CDH8: variants seen among roughly 807,000 people sequenced by gnomAD.
CDH8 encodes cadherin-8.
Under a neutral mutation model 68.1 loss-of-function variants are expected in CDH8, and 17 were observed. That is an observed-to-expected ratio of 0.25 (90% confidence interval 0.17 to 0.37). The LOEUF (loss-of-function observed/expected upper bound fraction) is 0.37. Among genes scored for constraint, CDH8 ranks in the 10% least tolerant of loss-of-function variants. The pLI is 1.00. For missense variants in CDH8, 763 were observed against 999.3 expected (o/e 0.76, Z 3.19); for synonymous variants, 372 against 365.1 (o/e 1.02, Z -0.21).
intron 7 of CDH8, among the ~76,000 whole-genome samples, chr16:61,813,805 A>G (rs114382275): frequency 1.1e-3 from 168 of 152,278 alleles, no homozygotes; most frequent in African/African-American, 3.9e-3. Context: ...CCACATATAT[A>G]TACTAGAAGT....
chr16:61,868,650 C>T (rs1180254140), intron 3 of CDH8, among the ~76,000 whole-genome samples: 2 of 152,028 alleles, frequency 1.3e-5, no homozygotes, highest in East Asian at 1.9e-4. Context: ...CATTATCACA[C>T]GAGATCAAGT....
At chr16:62,021,659 A>C in intron 1 of CDH8, 57 bp from the exon 2 acceptor site, 1 of 1,014,370 alleles carries the variant, frequency 9.9e-7, no homozygotes, top group Non-Finnish European at 1.3e-6. Context: ...TTTAAAATAA[A>C]ATCACTGCTT....
intron 4 of CDH8, among the ~76,000 whole-genome samples, chr16:61,843,668 T>G (rs1962736062): frequency 1.3e-5 from 2 of 152,192 alleles, no homozygotes; most frequent in Non-Finnish European, 2.9e-5. Context: ...TTTGTTTGTT[T>G]GTTTGTTTTT....
At chr16:61,693,890 C>A (rs1964279385) in intron 10 of CDH8, 1 of 152,140 alleles carries the variant, frequency 6.6e-6, no homozygotes, top group Non-Finnish European at 1.5e-5. Context: ...ATCTCTAATT[C>A]TTCCAGTTGT....
chr16:61,661,858 T>C (rs566334731), intron 10 of CDH8, among the ~76,000 whole-genome samples: 5 of 151,918 alleles, frequency 3.3e-5, no homozygotes, highest in African/African-American at 9.6e-5. Flanking sequence ...TCAAGTATTA[T>C]TGTTTTCATT....
chr16:61,870,734 C>T (rs1187291102), intron 3 of CDH8, among the ~76,000 whole-genome samples: 2 of 152,114 alleles, frequency 1.3e-5, no homozygotes, highest in African/African-American at 4.8e-5. Context: ...ACAACATGTG[C>T]CCAACATGGT....
At chr16:61,692,476 T>A (rs1056130816) in intron 10 of CDH8, 1 of 151,968 alleles carries the variant, frequency 6.6e-6, no homozygotes, top group Non-Finnish European at 1.5e-5. Flanking sequence ...TCTACACACA[T>A]ACACACCAAA....
rs1299625606 is a variant in CDH8, at chr16:62,036,388, T to C, written c.-508A>G. The C allele has an allele frequency of 6.6e-6, 1 of 152,554 alleles. No homozygotes were observed. The highest frequency in any genetic ancestry group is 1.5e-5 in the Non-Finnish European group (1 of 68,346). 9.5% of individuals were successfully genotyped at this position (152,554 alleles called of 1,614,324 possible). A position where few individuals can be genotyped will look rare whatever the true frequency, so the allele number is the denominator to read the frequency against. On this transcript the variant is annotated 5_prime_UTR_variant, in exon 1 of 12. Transcript: ENST00000577390. Reference sequence around the variant, plus strand: ...AGATTCCAAATAAATCCACTAATTCTGGGCTGAGCGCTCCGGCGTGCGAGC... The same window carrying C: ...AGATTCCAAATAAATCCACTAATTCCGGGCTGAGCGCTCCGGCGTGCGAGC...
intron 10 of CDH8, among the ~76,000 whole-genome samples, chr16:61,690,418 C>A (rs1000671748): frequency 4.6e-5 from 7 of 151,930 alleles, no homozygotes; most frequent in African/African-American, 1.5e-4. Context: ...CTATAATGGT[C>A]TTTTCCATCT....
intron 2 of CDH8, among the ~76,000 whole-genome samples, chr16:61,915,360 C>G (rs1200281623): frequency 6.6e-6 from 1 of 152,180 alleles, no homozygotes; most frequent in Non-Finnish European, 1.5e-5. Context: ...TTAATTATCA[C>G]AACTCTATGA....
chr16:62,009,719 C>G (rs983697113), intron 2 of CDH8, among the ~76,000 whole-genome samples: 1 of 152,148 alleles, frequency 6.6e-6, no homozygotes, highest in Non-Finnish European at 1.5e-5. Flanking sequence ...TCAGGCAAAA[C>G]CAGAATCATT....
rs34925928 is a variant in CDH8 at position 61,992,077 on chromosome 16, T to TGTGTGTGTGA, written c.252+29074_252+29075insTCACACACAC. ...GTGTGTGTGTGTGTGTGTGTGTGTG[T>TGTGTGTGTGA]GAGAGAGAGAGAGAGATTTTTACAG... is the stretch of plus-strand genomic sequence containing the variant. On this transcript the variant is annotated intron_variant, in intron 2 of 11. Coordinates refer to ENST00000577390, the MANE Select transcript of CDH8 (RefSeq NM_001796.5). Among the ~76,000 whole-genome samples the TGTGTGTGTGA allele has an allele frequency of 5.2e-3, 749 of 144,156 alleles. 1 individual carries two copies. Among genetic ancestry groups the TGTGTGTGTGA allele is most frequent in the Middle Eastern group, 0.015 (4 of 268 alleles). The allele number at this position is 144,156 out of a possible 152,430, so 94.6% of individuals were successfully genotyped here. A position where few individuals can be genotyped will look rare whatever the true frequency, so the allele number is the denominator to read the frequency against.
At chr16:61,914,568 C>CT (rs1964208638) in intron 2 of CDH8, among the ~76,000 whole-genome samples, 1 of 151,956 alleles carries the variant, frequency 6.6e-6, no homozygotes, top group African/African-American at 2.4e-5. Context: ...AAGTTTTTCT[C>CT]TTGTATTCAG....
chr16:62,019,146 C>A (rs951264922), intron 2 of CDH8, among the ~76,000 whole-genome samples: 6 of 152,216 alleles, frequency 3.9e-5, no homozygotes, highest in Non-Finnish European at 7.3e-5. Context: ...CCCAGAATTT[C>A]ATATGGTATA....
Position 61,689,565 on chromosome 16 carries a change from A to T in CDH8, c.1654+24276T>A, listed in dbSNP as rs182182002. ...TTTAGCCTCAACCTCACCATGTCTT[A>T]AATTCTACAGCTTTAAAATGAGGAT... On this transcript the variant is annotated intron_variant, in intron 10 of 11. Transcript: ENST00000577390. Among the ~76,000 whole-genome samples, 789 of 152,124 alleles carry T rather than the reference A, an allele frequency of 5.2e-3. 7 individuals are homozygous for T. Among genetic ancestry groups the T allele is most frequent in the Non-Finnish European group, 5.1e-3 (347 of 67,946 alleles).
Position 61,933,667 on chromosome 16 carries a change from G to T in CDH8, c.253-32194C>A, listed in dbSNP as rs146796907. Among the ~76,000 whole-genome samples the T allele has an allele frequency of 7.7e-3, 1,176 of 152,168 alleles. 16 individuals are homozygous for T. Among genetic ancestry groups the T allele is most frequent in the African/African-American group, 0.026 (1,082 of 41,518 alleles). On this transcript the variant is annotated intron_variant, in intron 2 of 11. Coordinates refer to ENST00000577390, the MANE Select transcript of CDH8 (RefSeq NM_001796.5). ...TTTATTGGGATAAATTATTAATGAGGATACTAATTAATCTATGTGCCTGTT... is the reference window on the plus strand; with the variant it reads ...TTTATTGGGATAAATTATTAATGAGTATACTAATTAATCTATGTGCCTGTT...
intron 2 of CDH8, among the ~76,000 whole-genome samples, chr16:61,993,018 C>G (rs951862011): frequency 1.3e-5 from 2 of 152,166 alleles, no homozygotes; most frequent in Non-Finnish European, 2.9e-5. Context: ...CTACTGGGCT[C>G]AAGCAATCCT....
chr16:61,910,140 T>G (rs1032347622), intron 2 of CDH8, among the ~76,000 whole-genome samples: 3 of 152,144 alleles, frequency 2.0e-5, no homozygotes, highest in Non-Finnish European at 4.4e-5. Flanking sequence ...GAAACCTTTT[T>G]GATAGAATTC....
intron 3 of CDH8, among the ~76,000 whole-genome samples, chr16:61,858,969 C>G (rs1352790198): frequency 6.6e-6 from 1 of 152,040 alleles, no homozygotes; most frequent in African/African-American, 2.4e-5. Context: ...AGCAGCATAC[C>G]TCAGTGTTTA....
Sources: allele counts gnomAD v4.1 joint callset (sites outside exome capture counted in the v4.1 genomes callset), GRCh38; gene constraint gnomAD v4.1.1; transcripts MANE v1.5; gene names NCBI Gene and HGNC (gene_info 2026-07-23, HGNC 2026-07-21).